SLC19A3: variants seen among roughly 807,000 people sequenced by gnomAD.
SLC19A3 encodes solute carrier family 19 member 3, also known as thiamine transporter 2.
SLC19A3 carries 31 observed loss-of-function variants against 40.2 expected under a neutral mutation model. The observed-to-expected ratio is 0.77, with a 90% CI of 0.58 to 1.04. The LOEUF is 1.04. Ranked by LOEUF, SLC19A3 falls within the 50% of genes least tolerant of loss-of-function variation. SLC19A3 has a pLI of 0.00. For synonymous variants in SLC19A3, 212 were observed against 227.5 expected (o/e 0.93, Z 0.61); for missense variants, 592 against 596.7 (o/e 0.99, Z 0.08).
intron 3 of SLC19A3, 152 bp from the exon 4 acceptor site, chr2:227,696,233 T>A: frequency 1.4e-6 from 1 of 734,010 alleles, no homozygotes; most frequent in South Asian, 1.7e-5. Context: ...TGTGGATCTA[T>A]CCTTTTCTCA....
intron 4 of SLC19A3, among the ~76,000 whole-genome samples, chr2:227,689,744 T>A (rs1044939918): frequency 6.6e-6 from 1 of 152,170 alleles, no homozygotes; most frequent in Admixed American, 6.5e-5. Context: ...TGTAAACTAC[T>A]CTCATAAGTA....
At position 227,715,941 on chromosome 2, in the gene SLC19A3, G is replaced by C. The variant is rs1407954847; in HGVS notation, c.-3+2002C>G. Among the ~76,000 whole-genome samples, 3 of 99,152 alleles carry C rather than the reference G, an allele frequency of 3.0e-5. No homozygotes were observed. The East Asian group carries it at 1.1e-3, about 35-fold the overall frequency. 65.0% of individuals were successfully genotyped at this position (99,152 alleles called of 152,430 possible). A position where few individuals can be genotyped will look rare whatever the true frequency, so the allele number is the denominator to read the frequency against. On this transcript the variant is annotated intron_variant, in intron 1 of 5. Transcript: ENST00000644224. ...ACTCCAGCCTGGGCAACAAGAGCGA[G>C]ACTCCGTCTCAAAAAAAAAAAAAAA...
chr2:227,691,346 T>A (rs749912997), intron 4 of SLC19A3, among the ~76,000 whole-genome samples: 9 of 152,128 alleles, frequency 5.9e-5, no homozygotes, highest in Non-Finnish European at 1.2e-4. Context: ...GTGGCCCATG[T>A]GTATAATTCC....
chr2:227,699,532 G>T lies in SLC19A3; in HGVS notation c.183C>A (p.Tyr61Ter). ...ITNEIFPVWT[Y>*]SYLVLLLPVF... ...CAGGCAGCAGCAGCACCAGGTAGGA[G>T]TATGTCCAAACGGGGAAGATCTCAT... Residue 61 changes from tyrosine to a stop codon, truncating the protein, a stop_gained, in exon 3 of 6, where the codon TAC becomes TAA. Transcript: ENST00000644224. LOFTEE classifies it high-confidence loss of function. 1 of 1,614,212 alleles carries T rather than the reference G, an allele frequency of 6.2e-7. No homozygotes were observed. Among genetic ancestry groups the T allele is most frequent in the Non-Finnish European group, 8.5e-7 (1 of 1,180,046 alleles).
At chr2:227,688,516 A>C (rs1378709228) in intron 4 of SLC19A3, among the ~76,000 whole-genome samples, 1 of 152,178 alleles carries the variant, frequency 6.6e-6, no homozygotes, top group Non-Finnish European at 1.5e-5. Context: ...TCTGGATCTT[A>C]TCCAAGACCA....
chr2:227,699,592 C>T (rs1264812885), intron 2 of SLC19A3, 28 bp from the exon 3 acceptor site: 5 of 1,589,236 alleles, frequency 3.1e-6, no homozygotes, highest in East Asian at 2.2e-5. Context: ...TGCATGACCA[C>T]GAAGCACCGG....
intron 4 of SLC19A3, among the ~76,000 whole-genome samples, chr2:227,691,710 T>C (rs908508562): frequency 1.3e-5 from 2 of 151,934 alleles, no homozygotes; most frequent in African/African-American, 4.8e-5. Flanking sequence ...CCAAAATTAG[T>C]AGAAGAAAGG....
In SLC19A3 at chr2:227,685,605, G is replaced by A. The variant is rs181948693; in HGVS notation, c.*1792C>T. 9.1e-3 allele frequency: 1,378 copies of A among 152,214 alleles called. 9 individuals are homozygous for A. Among genetic ancestry groups the A allele is most frequent in the South Asian group, 0.021 (99 of 4,816 alleles). 9.4% of individuals were successfully genotyped at this position (152,214 alleles called of 1,614,324 possible). ...TTTTTTTGTTTGTTTTAGACACAGG[G>A]TCTTGCTATATTGGCCAAGATGGTC... On this transcript the variant is annotated 3_prime_UTR_variant, in exon 6 of 6. Transcript: ENST00000644224.
intron 1 of SLC19A3, among the ~76,000 whole-genome samples, chr2:227,717,270 G>A (rs1174690611): frequency 6.6e-6 from 1 of 152,116 alleles, no homozygotes; most frequent in Non-Finnish European, 1.5e-5. Context: ...CCAAAGTGCT[G>A]GGATTACAGG....
intron 1 of SLC19A3, among the ~76,000 whole-genome samples, chr2:227,704,806 A>G (rs1323360622): frequency 6.6e-6 from 1 of 152,092 alleles, no homozygotes; most frequent in East Asian, 1.9e-4. Context: ...ATAAAAATCC[A>G]ATTTCAGTTT....
chr2:227,698,013 A>AG (rs902360293), intron 3 of SLC19A3, among the ~76,000 whole-genome samples: 16 of 152,154 alleles, frequency 1.1e-4, no homozygotes, highest in African/African-American at 3.6e-4. Flanking sequence ...TGGGAGGCAG[A>AG]GGTTGCAGTG....
At chr2:227,696,115 T>C in intron 3 of SLC19A3, 34 bp from the exon 4 acceptor site, 2 of 1,600,766 alleles carry the variant, frequency 1.2e-6, no homozygotes, top group Admixed American at 1.7e-5. Context: ...TCAAACATAA[T>C]GACTTTGCAT....
intron 1 of SLC19A3, among the ~76,000 whole-genome samples, chr2:227,708,593 CCA>C (rs1370107046): frequency 3.1e-5 from 4 of 128,560 alleles, no homozygotes. Context: ...AACAAACAAA[CCA>C]AAAAAACAAC....
chr2:227,705,586 T>C (rs1695899837), intron 1 of SLC19A3, among the ~76,000 whole-genome samples: 1 of 152,140 alleles, frequency 6.6e-6, no homozygotes, highest in Admixed American at 6.6e-5. Flanking sequence ...TCTTCCACAA[T>C]GGTTGAAGTA....
At chr2:227,710,615 AC>A (rs1375194433) in intron 1 of SLC19A3, among the ~76,000 whole-genome samples, 5 of 152,126 alleles carry the variant, frequency 3.3e-5, no homozygotes, top group African/African-American at 1.2e-4. Flanking sequence ...AAAAAGAAAA[AC>A]GAATCTTACA....
chr2:227,707,452 G>A (rs776899962), intron 1 of SLC19A3, among the ~76,000 whole-genome samples: 1 of 151,984 alleles, frequency 6.6e-6, no homozygotes, highest in Non-Finnish European at 1.5e-5. Flanking sequence ...GCATGGTGAT[G>A]CGCACCTGTA....
chr2:227,717,142 ACAGG>A (rs1574586916), intron 1 of SLC19A3, among the ~76,000 whole-genome samples: 1 of 151,662 alleles, frequency 6.6e-6, no homozygotes, highest in East Asian at 1.9e-4. Flanking sequence ...AGCTGGGATT[ACAGG>A]CACCCGCCAC....
chr2:227,699,220 C>T lies in SLC19A3; in HGVS notation c.495G>A (p.Ala165=), dbSNP rs1695571315. 1.9e-6 allele frequency: 3 copies of T among 1,613,986 alleles called. No individual in the cohort carries two copies. The highest frequency in any genetic ancestry group is 2.2e-5 in the East Asian group (1 of 44,896). ...CGTTGAGGTAAAAGTACGACATGTT[C>T]GCCAGGGATACCAAGAGTTGAGCCA... ...SVLAQLLVSL[A]NMSYFYLNVI... is the part of the protein sequence containing the mutation. The change falls in exon 3 of 6, where the codon GCG becomes GCA. Residue 165 remains alanine, a synonymous_variant. Coordinates refer to ENST00000644224, the MANE Select transcript of SLC19A3 (RefSeq NM_025243.4).
chr2:227,702,692 C>T, intron 1 of SLC19A3: 1 of 235,876 alleles, frequency 4.2e-6, no homozygotes, highest in South Asian at 5.9e-5. Flanking sequence ...TCATTTGTCA[C>T]TGCACAGAAG....
Sources: allele counts gnomAD v4.1 joint callset (sites outside exome capture counted in the v4.1 genomes callset), GRCh38; gene constraint gnomAD v4.1.1; transcripts MANE v1.5; gene names NCBI Gene and HGNC (gene_info 2026-07-23, HGNC 2026-07-21).